The following SLC5A4 variants were observed in gnomAD, a reference collection of about 807,000 sequenced individuals.
SLC5A4 encodes solute carrier family 5 member 4.
Under a neutral mutation model 70.3 loss-of-function variants are expected in SLC5A4, and 55 were observed. That is an observed-to-expected ratio of 0.78 (90% CI 0.63 to 0.98). SLC5A4 has a LOEUF of 0.98. Ranked by LOEUF, SLC5A4 falls within the 50% of genes least tolerant of loss-of-function variation. The pLI is 0.00. For missense variants in SLC5A4, 735 were observed against 839.2 expected (o/e 0.88, Z 1.53); for synonymous variants, 268 against 305.7 (o/e 0.88, Z 1.29).
chr22:32,223,196 T>A (rs1258027024), intron 13 of SLC5A4, among the ~76,000 whole-genome samples: 1 of 152,234 alleles, frequency 6.6e-6, no homozygotes, highest in Non-Finnish European at 1.5e-5. Context: ...CCTTTCATGA[T>A]GAAATCTGGA....
chr22:32,277,194 T>C, the SLC5A4 span: 3 of 152,200 alleles, frequency 2.0e-5, no homozygotes, highest in African/African-American at 4.8e-5. Flanking sequence ...TGTTTATTGC[T>C]TTAGAATTTG....
In SLC5A4 at chr22:32,239,056, A is replaced by C; in HGVS notation, c.512T>G (p.Leu171Arg). 6.2e-7 allele frequency: 1 copy of C among 1,614,104 alleles called. No individual in the cohort carries two copies. The highest frequency in any genetic ancestry group is 1.1e-5 in the South Asian group (1 of 91,078). ...DIFAGAIFIKLALGLDLYLAI... is the reference protein window; with the variant it reads ...DIFAGAIFIKRALGLDLYLAI... The stretch of plus-strand genomic sequence containing the variant: ...CAGGTAAAGGTCCAATCCCAAGGCC[A>C]GCTTGATGAATATGGCTCCAGCAAA... The change falls in exon 6 of 15, where the codon CTG (leucine) becomes CGG (arginine). Residue 171 changes from leucine (L) to arginine (R), a missense_variant. Leu to Arg is a moderately radical substitution (Grantham distance 102, BLOSUM62 -2). Transcript: ENST00000266086.
At chr22:32,280,829 ATT>A in the SLC5A4 span, among the ~76,000 whole-genome samples, 1 of 152,186 alleles carries the variant, frequency 6.6e-6, no homozygotes, top group East Asian at 1.9e-4. Flanking sequence ...CGGAGGGTGC[ATT>A]AGAGAGACAA....
At chr22:32,305,669 G>T in the SLC5A4 span, among the ~76,000 whole-genome samples, 2 of 149,448 alleles carry the variant, frequency 1.3e-5, 1 homozygote, top group African/African-American at 5.0e-5. Context: ...TGTTCAGCGT[G>T]AGGGACACAC....
chr22:32,285,029 G>A, the SLC5A4 span: 2 of 152,162 alleles, frequency 1.3e-5, no homozygotes, highest in Non-Finnish European at 2.9e-5. Context: ...GTGAGAATCA[G>A]TTGAATATAT....
At chr22:32,306,415 G>A in the SLC5A4 span, among the ~76,000 whole-genome samples, 4,618 of 150,124 alleles carry the variant, frequency 0.031, 231 homozygotes, top group African/African-American at 0.1. Flanking sequence ...GCAGTGACCC[G>A]AGATTGCACC....
the SLC5A4 span, among the ~76,000 whole-genome samples, chr22:32,328,351 C>G: frequency 1.3e-5 from 2 of 152,090 alleles, no homozygotes; most frequent in Non-Finnish European, 2.9e-5. Context: ...CCAAGTGGCT[C>G]GCTTGTAACA....
the SLC5A4 span, among the ~76,000 whole-genome samples, chr22:32,328,733 G>A: frequency 1.6e-4 from 24 of 152,290 alleles, no homozygotes; most frequent in African/African-American, 5.1e-4. Context: ...AGAGTTAAAC[G>A]CTTGTTTTAA....
the SLC5A4 span, among the ~76,000 whole-genome samples, chr22:32,311,796 G>A: frequency 6.6e-6 from 1 of 151,350 alleles, no homozygotes; most frequent in African/African-American, 2.4e-5. Flanking sequence ...CGGCGGTGAT[G>A]GTGGAGAACT....
the SLC5A4 span, among the ~76,000 whole-genome samples, chr22:32,341,357 G>C: frequency 6.6e-6 from 1 of 152,194 alleles, no homozygotes; most frequent in East Asian, 1.9e-4. Flanking sequence ...GAGGGGCCAG[G>C]AGCCTGTGGG....
the SLC5A4 span, among the ~76,000 whole-genome samples, chr22:32,331,794 G>A: frequency 6.6e-6 from 1 of 152,056 alleles, no homozygotes; most frequent in African/African-American, 2.4e-5. Flanking sequence ...CCCCTCGGCT[G>A]CCCTGATCCT....
the SLC5A4 span, among the ~76,000 whole-genome samples, chr22:32,354,289 C>T: frequency 6.7e-6 from 1 of 149,500 alleles, no homozygotes; most frequent in Non-Finnish European, 1.5e-5. Flanking sequence ...GCCCTCAACA[C>T]CCCCCTCCCT....
intron 5 of SLC5A4, among the ~76,000 whole-genome samples, chr22:32,246,031 G>T (rs1217518465): frequency 6.6e-6 from 1 of 152,196 alleles, no homozygotes; most frequent in Non-Finnish European, 1.5e-5. Context: ...ATCCATCAGG[G>T]AGCATACTCT....
chr22:32,290,206 C>A, the SLC5A4 span, among the ~76,000 whole-genome samples: 139 of 152,208 alleles, frequency 9.1e-4, no homozygotes, highest in African/African-American at 3.2e-3. Flanking sequence ...AGGTTTTAAG[C>A]CCTGCATGCA....
In SLC5A4 at chr22:32,225,719, T is replaced by A; in HGVS notation, c.1385A>T (p.Tyr462Phe). The change falls in exon 12 of 15, where the codon TAC becomes TTC. Residue 462 changes from tyrosine to phenylalanine, a missense_variant. By Grantham distance (22) the Tyr-to-Phe change is conservative. Transcript: ENST00000266086. Reference protein sequence around the residue: ...LIHYTESISSYLGPPIAAVFV... With the variant: ...LIHYTESISSFLGPPIAAVFV... Reference sequence around the variant, plus strand: ...GACAGCTGCAATTGGAGGCCCAAGGTAGCTAGAAATTGATTCTGTGTAATG... The same window carrying A: ...GACAGCTGCAATTGGAGGCCCAAGGAAGCTAGAAATTGATTCTGTGTAATG... 6.2e-7 allele frequency: 1 copy of A among 1,613,204 alleles called. No individual in the cohort carries two copies. The highest frequency in any genetic ancestry group is 8.5e-7 in the Non-Finnish European group (1 of 1,179,208).
In SLC5A4 at chr22:32,254,168, C is replaced by T. The variant is rs753475329; in HGVS notation, c.181G>A (p.Ala61Thr). The T allele has an allele frequency of 1.6e-5, 26 of 1,613,788 alleles. No individual in the cohort carries two copies. The highest frequency in any genetic ancestry group is 5.3e-5 in the African/African-American group (4 of 74,910). Residue 61 changes from alanine (A) to threonine (T), a missense_variant, in exon 2 of 15, where the codon GCT becomes ACT. Physicochemically the swap from Ala to Thr is moderately conservative, Grantham distance 58 (BLOSUM62 0). Coordinates refer to ENST00000266086, the MANE Select transcript of SLC5A4 (RefSeq NM_014227.3). Reference sequence around the variant, plus strand: ...GGCCACCAGGCCATATCACGACCAGCGAGGAAGAAGCCTCCTATAGTACCT... The same window carrying T: ...GGCCACCAGGCCATATCACGACCAGTGAGGAAGAAGCCTCCTATAGTACCT... The part of the protein sequence containing the change: ...NRGTIGGFFL[A>T]GRDMAWWPMG...
At chr22:32,229,467 A>C in intron 10 of SLC5A4, 123 bp from the exon 11 acceptor site, 1 of 962,670 alleles carries the variant, frequency 1.0e-6, no homozygotes. Flanking sequence ...TTATCAATAC[A>C]CATCAGCATG....
At chr22:32,288,222 A>G in the SLC5A4 span, among the ~76,000 whole-genome samples, 3 of 152,130 alleles carry the variant, frequency 2.0e-5, no homozygotes, top group Non-Finnish European at 4.4e-5. Flanking sequence ...AGAAAGTGAG[A>G]GTATGTTCTA....
chr22:32,266,425 G>A, the SLC5A4 span, among the ~76,000 whole-genome samples: 1 of 152,110 alleles, frequency 6.6e-6, no homozygotes, highest in African/African-American at 2.4e-5. Context: ...TTTATCAAAC[G>A]TGGTTCAATA....
Sources: allele counts gnomAD v4.1 joint callset (sites outside exome capture counted in the v4.1 genomes callset), GRCh38; gene constraint gnomAD v4.1.1; transcripts MANE v1.5; gene names NCBI Gene and HGNC (gene_info 2026-07-23, HGNC 2026-07-21).